The following NACC2 variants were observed in gnomAD, a reference collection of about 807,000 sequenced individuals.
The protein encoded by NACC2 is nucleus accumbens-associated protein 2.
In NACC2, 8 loss-of-function variants were observed where a neutral mutation model predicts 25.1. That is an observed-to-expected ratio of 0.32 (90% CI 0.19 to 0.57). The LOEUF is 0.57. Ranked by LOEUF, NACC2 falls within the 20% of genes least tolerant of loss-of-function variation. The pLI, the probability that NACC2 is intolerant of heterozygous loss-of-function variation, is 0.89. For synonymous variants in NACC2, 435 were observed against 294.7 expected, an observed-to-expected ratio of 1.48 and a Z score of -4.88; for missense variants, 644 against 650.2, an observed-to-expected ratio of 0.99 and a Z score of 0.10.
At chr9:136,093,742 T>G (rs1588588305) in intron 1 of NACC2, among the ~76,000 whole-genome samples, 1 of 120,380 alleles carries the variant, frequency 8.3e-6, no homozygotes, top group Non-Finnish European at 1.7e-5. Flanking sequence ...AGGGAGGGGC[T>G]GGGAAAGGCC....
chr9:136,045,855 C>T (rs1271850920), intron 2 of NACC2, among the ~76,000 whole-genome samples: 6 of 152,278 alleles, frequency 3.9e-5, no homozygotes, highest in South Asian at 4.1e-4. Context: ...AAGGAGACCA[C>T]GGGAACAGAC....
In NACC2 at chr9:136,011,563, C is replaced by T; in HGVS notation, c.1717G>A (p.Ala573Thr). The change falls in exon 6 of 6, where the codon GCG becomes ACG. Residue 573 changes from alanine to threonine, a missense_variant. By Grantham distance (58) the Ala-to-Thr change is moderately conservative. Coordinates refer to ENST00000277554, the MANE Select transcript of NACC2 (RefSeq NM_144653.5). ...CCCTCCGGCCTCCGGGCCGCGGCCG[C>T]CGGCGTCTGGGGCCTGCTGGGGCCG... ...GGGPSRPQTP[A>T]AAARRPEGTY... 7.1e-7 allele frequency: 1 copy of T among 1,408,352 alleles called. No individual in the cohort carries two copies. Among genetic ancestry groups the T allele is most frequent in the Non-Finnish European group, 9.2e-7 (1 of 1,087,188 alleles). 87.2% of individuals were successfully genotyped at this position (1,408,352 alleles called of 1,614,324 possible).
At chr9:136,074,176 C>T (rs1426257970) in intron 1 of NACC2, among the ~76,000 whole-genome samples, 1 of 151,396 alleles carries the variant, frequency 6.6e-6, no homozygotes, top group Non-Finnish European at 1.5e-5. Context: ...CATGGCCAGG[C>T]GCGGTGGCTC....
At chr9:136,054,061 T>A (rs1339278636) in intron 1 of NACC2, among the ~76,000 whole-genome samples, 4 of 152,220 alleles carry the variant, frequency 2.6e-5, no homozygotes, top group Non-Finnish European at 1.5e-5. Context: ...TACCCTCAGA[T>A]GGTTCCTGGG....
At chr9:136,060,017 G>C (rs1156938692) in intron 1 of NACC2, among the ~76,000 whole-genome samples, 1 of 152,262 alleles carries the variant, frequency 6.6e-6, no homozygotes, top group Non-Finnish European at 1.5e-5. Context: ...GACACAGGGT[G>C]ACCCCACTCT....
chr9:136,078,654 G>T (rs1215667152), intron 1 of NACC2, among the ~76,000 whole-genome samples: 1 of 152,242 alleles, frequency 6.6e-6, no homozygotes, highest in African/African-American at 2.4e-5. Context: ...CCGACATCGG[G>T]ACAGAAAGGG....
At chr9:136,089,830 G>A (rs922001241) in intron 1 of NACC2, among the ~76,000 whole-genome samples, 5 of 151,528 alleles carry the variant, frequency 3.3e-5, no homozygotes, top group Non-Finnish European at 7.4e-5. Context: ...CTCTCAGCAG[G>A]GGTCAGTGTG....
chr9:136,084,076 T>A lies in NACC2; in HGVS notation c.-60+11113A>T, dbSNP rs989475761. 2.0e-5 allele frequency among the ~76,000 whole-genome samples: 3 copies of A among 151,410 alleles called. No homozygotes were observed. The highest frequency in any genetic ancestry group is 2.0e-4 in the Admixed American group (3 of 15,228). On this transcript the variant is annotated intron_variant, in intron 1 of 5. Transcript: ENST00000277554. This position sits in a 1 kb window ranked among gnomAD's most constrained non-coding sequence, Gnocchi z 5.1. ...AGGAAGAGCGGGGAGGTAGGGAAGG[T>A]GGTGCTCGCTGAGGGTGTCCCTCAC...
chr9:136,047,147 C>A (rs1840742221), intron 2 of NACC2, among the ~76,000 whole-genome samples: 1 of 152,168 alleles, frequency 6.6e-6, no homozygotes, highest in South Asian at 2.1e-4. Flanking sequence ...TCCACTCCTG[C>A]ACGGCCTGGC....
At chr9:136,026,092 C>A (rs1840383629) in intron 2 of NACC2, among the ~76,000 whole-genome samples, 1 of 152,002 alleles carries the variant, frequency 6.6e-6, no homozygotes. Context: ...GTAACCCCAG[C>A]ACTTTGGGAG....
intron 1 of NACC2, among the ~76,000 whole-genome samples, chr9:136,091,881 G>A (rs1220816230): frequency 6.6e-6 from 1 of 152,082 alleles, no homozygotes; most frequent in African/African-American, 2.4e-5. Context: ...AGGTCACCAG[G>A]ATCCCTGCCC....
At chr9:136,078,145 T>C (rs1004649911) in intron 1 of NACC2, among the ~76,000 whole-genome samples, 2 of 152,298 alleles carry the variant, frequency 1.3e-5, no homozygotes, top group Admixed American at 1.3e-4. Context: ...ACAGACACAG[T>C]GGTAGAGAGT....
intron 1 of NACC2, among the ~76,000 whole-genome samples, chr9:136,080,278 C>T (rs911029934): frequency 6.6e-5 from 10 of 152,216 alleles, no homozygotes; most frequent in Non-Finnish European, 1.5e-4. Context: ...TCTGTGCTCT[C>T]CTTCTCTGAG....
intron 5 of NACC2, among the ~76,000 whole-genome samples, chr9:136,012,509 C>T (rs1440643837): frequency 1.3e-5 from 2 of 152,262 alleles, no homozygotes; most frequent in African/African-American, 4.8e-5. Flanking sequence ...GGCATCAAAC[C>T]CAGAGGCAGG....
chr9:136,053,137 G>A (rs893526863), intron 1 of NACC2, among the ~76,000 whole-genome samples: 2 of 152,226 alleles, frequency 1.3e-5, no homozygotes, highest in Non-Finnish European at 2.9e-5. Context: ...GAGGAGGCCC[G>A]AACAGGCCTG....
At chr9:136,030,653 T>C (rs1478079919) in intron 2 of NACC2, among the ~76,000 whole-genome samples, 4 of 152,002 alleles carry the variant, frequency 2.6e-5, no homozygotes, top group Non-Finnish European at 5.9e-5. Context: ...TTCATGTCAA[T>C]ACATCTGAAC....
At chr9:136,067,750 A>G (rs1249202207) in intron 1 of NACC2, among the ~76,000 whole-genome samples, 2 of 151,780 alleles carry the variant, frequency 1.3e-5, no homozygotes, top group African/African-American at 4.8e-5. Context: ...CAGGAGAATC[A>G]CTTGAACCCG....
intron 1 of NACC2, among the ~76,000 whole-genome samples, chr9:136,077,071 T>C (rs1387137158): frequency 6.6e-6 from 1 of 151,838 alleles, no homozygotes; most frequent in African/African-American, 2.4e-5. Context: ...TCCCAGCCAC[T>C]TGGGAGGCTG....
intron 1 of NACC2, among the ~76,000 whole-genome samples, chr9:136,072,892 C>T (rs575893083): frequency 6.6e-6 from 1 of 151,794 alleles, no homozygotes; most frequent in Non-Finnish European, 1.5e-5. Context: ...GAATTGGAGA[C>T]TTAAACATAA....
Sources: allele counts gnomAD v4.1 joint callset (sites outside exome capture counted in the v4.1 genomes callset), GRCh38; gene constraint gnomAD v4.1.1; non-coding constraint Gnocchi (gnomAD v3.1); transcripts MANE v1.5; gene names NCBI Gene and HGNC (gene_info 2026-07-23, HGNC 2026-07-21).